The following NRK variants were observed in gnomAD, a reference collection of about 807,000 sequenced individuals.
The protein encoded by NRK is nik-related protein kinase.
NRK carries 67 observed loss-of-function variants against 125.2 expected under a neutral mutation model. The ratio of observed to expected loss-of-function variants is 0.54; its 90% confidence interval spans 0.44 to 0.66. NRK has a LOEUF of 0.66. NRK is among the 30% of genes least tolerant of loss of function. NRK has a pLI of 0.00. For synonymous variants in NRK, 458 were observed against 429.0 expected (o/e 1.07, Z -0.84); for missense variants, 1,224 against 1,192.9 (o/e 1.03, Z -0.38).
intron 5 of NRK, among the ~76,000 whole-genome samples, chrX:105,892,135 C>T (rs915835561): frequency 2.6e-4 from 29 of 111,526 alleles, no homozygotes; most frequent in African/African-American, 9.1e-4. Context: ...TAGACATGCT[C>T]CTGACCCAGT....
At chrX:105,854,867 T>G (rs2039514272) in intron 2 of NRK, among the ~76,000 whole-genome samples, 1 of 112,147 alleles carries the variant, frequency 8.9e-6, no homozygotes, top group African/African-American at 3.2e-5. Context: ...GTGTGTGACC[T>G]TAGGCAAATT....
chrX:105,852,389 C>T (rs1160477278), intron 2 of NRK, among the ~76,000 whole-genome samples: 7 of 111,576 alleles, frequency 6.3e-5, no homozygotes, highest in South Asian at 3.7e-4. Flanking sequence ...TTAGCAACCA[C>T]GAATTCTACT....
rs1197848232 is a variant in NRK at position 105,957,131 on chromosome X, T to C, written c.*1531T>C. 1 of 112,413 alleles carries C rather than the reference T, an allele frequency of 8.9e-6. No individual in the cohort carries two copies. Among genetic ancestry groups the C allele is most frequent in the African/African-American group, 3.2e-5 (1 of 30,872 alleles). 9.3% of individuals were successfully genotyped at this position (112,413 alleles called of 1,213,427 possible). On this transcript the variant is annotated 3_prime_UTR_variant, in exon 29 of 29. Transcript: ENST00000243300. ...ACATCAAGAATGTAGTGTAGCTCAT[T>C]ATTGAGAATTTAGGAAAGCCTGAAT...
chrX:105,884,955 T>C (rs1184663320), intron 4 of NRK, among the ~76,000 whole-genome samples: 1 of 110,993 alleles, frequency 9.0e-6, no homozygotes, highest in Non-Finnish European at 1.9e-5. Context: ...CATGCTTGGC[T>C]AATTTTTGTA....
chrX:105,916,413 T>A (rs913719271), intron 15 of NRK, among the ~76,000 whole-genome samples: 1 of 110,908 alleles, frequency 9.0e-6, no homozygotes, highest in Admixed American at 9.6e-5. Flanking sequence ...TAGATTTTTT[T>A]AAGAAAATCT....
chrX:105,860,963 G>C (rs2039594324), intron 2 of NRK, among the ~76,000 whole-genome samples: 1 of 110,743 alleles, frequency 9.0e-6, no homozygotes, highest in Admixed American at 9.6e-5. Flanking sequence ...GTGTGGGGAT[G>C]GATCTTTTCA....
intron 23 of NRK, among the ~76,000 whole-genome samples, chrX:105,940,466 T>C (rs1204795944): frequency 9.0e-6 from 1 of 110,625 alleles, no homozygotes; most frequent in African/African-American, 3.3e-5. Flanking sequence ...TCTCTTTCTT[T>C]GGAGCAACAG....
intron 13 of NRK, among the ~76,000 whole-genome samples, chrX:105,910,641 C>T (rs2040287328): frequency 9.0e-6 from 1 of 111,700 alleles, no homozygotes; most frequent in Non-Finnish European, 1.9e-5. Flanking sequence ...GGGGAGGAGA[C>T]CCTCAAATCC....
At chrX:105,862,250 T>C (rs1463489165) in intron 2 of NRK, among the ~76,000 whole-genome samples, 1 of 111,854 alleles carries the variant, frequency 8.9e-6, no homozygotes, top group Non-Finnish European at 1.9e-5. Context: ...TATAATTGAG[T>C]CTTTATCATA....
chrX:105,859,393 G>T (rs1403656117), intron 2 of NRK, among the ~76,000 whole-genome samples: 1 of 111,608 alleles, frequency 9.0e-6, no homozygotes, highest in Non-Finnish European at 1.9e-5. Context: ...ATGGACCTTG[G>T]TTGTTTTCAT....
At chrX:105,861,548 G>A (rs999673643) in intron 2 of NRK, among the ~76,000 whole-genome samples, 2 of 111,679 alleles carry the variant, frequency 1.8e-5, no homozygotes, top group African/African-American at 3.3e-5. Flanking sequence ...GGTAATTTCC[G>A]TGTGTGGTAG....
At chrX:105,888,267 G>T in intron 4 of NRK, 27 bp from the exon 5 acceptor site, 1 of 1,175,054 alleles carries the variant, frequency 8.5e-7, no homozygotes, top group Non-Finnish European at 1.1e-6. Flanking sequence ...CAGTTTAGGA[G>T]CTTTGCTGTC....
chrX:105,951,811 A>T (rs1189425810), intron 27 of NRK, among the ~76,000 whole-genome samples: 2 of 112,494 alleles, frequency 1.8e-5, no homozygotes, highest in Admixed American at 1.9e-4. Context: ...GGTGGAAATT[A>T]TGCGATGCCA....
chrX:105,872,358 C>T (rs781310855), intron 2 of NRK, among the ~76,000 whole-genome samples: 315 of 111,806 alleles, frequency 2.8e-3, no homozygotes, highest in Non-Finnish European at 4.8e-3. Context: ...ATCTAAACAT[C>T]ATTGATTTGC....
At chrX:105,859,892 A>G (rs1196473284) in intron 2 of NRK, among the ~76,000 whole-genome samples, 1 of 111,865 alleles carries the variant, frequency 8.9e-6, no homozygotes, top group African/African-American at 3.3e-5. Context: ...CTTGAAAAGA[A>G]TAATAAAACC....
At position 105,879,195 on chromosome X, in the gene NRK, C is replaced by T. The variant is rs957858394; in HGVS notation, c.124-1004C>T. Among the ~76,000 whole-genome samples the T allele has an allele frequency of 6.3e-5, 7 of 110,631 alleles. No individual in the cohort carries two copies. In the Admixed American group the frequency reaches 6.8e-4, roughly 11 times the overall value. On this transcript the variant is annotated intron_variant, in intron 2 of 28. Transcript: ENST00000243300. ...GAAACCGGACATTGACCAAACAAATCCATATGACCTCATCATAGTTTGATT... is the reference window on the plus strand; with the variant it reads ...GAAACCGGACATTGACCAAACAAATTCATATGACCTCATCATAGTTTGATT...
chrX:105,871,351 G>C (rs1355580899), intron 2 of NRK, among the ~76,000 whole-genome samples: 4 of 111,005 alleles, frequency 3.6e-5, no homozygotes, highest in Non-Finnish European at 7.6e-5. Flanking sequence ...TGAGTTCCTG[G>C]AGTACTTAGC....
chrX:105,947,279 T>A (rs2040826574), intron 26 of NRK, among the ~76,000 whole-genome samples: 1 of 79,843 alleles, frequency 1.3e-5, no homozygotes. Context: ...CCGTCTCTAC[T>A]AAAAATACAA....
intron 15 of NRK, among the ~76,000 whole-genome samples, chrX:105,916,980 A>G (rs2040373874): frequency 1.8e-5 from 2 of 111,604 alleles, no homozygotes; most frequent in Admixed American, 9.6e-5. Flanking sequence ...ACCTAAATCA[A>G]TAACCAAAGT....
Sources: gnomAD v4.1 joint callset for allele counts (sites outside exome capture counted in the v4.1 genomes callset) on GRCh38, gnomAD v4.1.1 for gene constraint, MANE v1.5 for transcripts, NCBI Gene and HGNC (gene_info 2026-07-23, HGNC 2026-07-21) for gene names.